The following CTIF variants were observed in gnomAD, a reference collection of about 807,000 sequenced individuals.
CTIF encodes the protein cap binding complex dependent translation initiation factor.
CTIF carries 21 observed loss-of-function variants against 66.0 expected under a neutral mutation model. The observed-to-expected ratio is 0.32, with a 90% CI of 0.23 to 0.46. CTIF has a LOEUF of 0.46. Ranked by LOEUF, CTIF falls within the 20% of genes least tolerant of loss-of-function variation. CTIF has a pLI of 1.00. For synonymous variants in CTIF, 345 were observed against 326.4 expected (o/e 1.06, Z -0.62); for missense variants, 739 against 812.7 (o/e 0.91, Z 1.10).
At position 48,761,490 on chromosome 18, in the gene CTIF, C is replaced by G; in HGVS notation, c.1172C>G (p.Thr391Ser). Residue 391 changes from threonine (T) to serine (S), a missense_variant, in exon 9 of 12, where the codon ACC becomes AGC. Thr to Ser is a moderately conservative substitution (Grantham distance 58). Transcript: ENST00000256413. The surrounding 1 kb of genome is among the most constrained non-coding windows in gnomAD (Gnocchi z 4.2). Reference protein sequence around the residue: ...SMRNNSSDVDTKLTTFMEEAQ... With the variant: ...SMRNNSSDVDSKLTTFMEEAQ... ...CGGAACAACAGCAGCGACGTGGACA[C>G]CAAGCTCACCACCTTCATGGAGGAG... is the stretch of plus-strand genomic sequence containing the variant. The G allele has an allele frequency of 6.2e-7, 1 of 1,614,210 alleles. No individual in the cohort carries two copies. The highest frequency in any genetic ancestry group is 1.1e-5 in the South Asian group (1 of 91,086).
chr18:48,743,627 A>G (rs917651579), intron 7 of CTIF, among the ~76,000 whole-genome samples: 13 of 152,244 alleles, frequency 8.5e-5, no homozygotes, highest in African/African-American at 2.9e-4. Context: ...GCATCACTTG[A>G]TAATTGGCAG....
intron 9 of CTIF, among the ~76,000 whole-genome samples, chr18:48,801,361 T>C (rs1313282275): frequency 2.0e-5 from 3 of 152,242 alleles, no homozygotes; most frequent in Admixed American, 6.5e-5. Context: ...CTAGACTTTG[T>C]GTCCTTCTCT....
At chr18:48,739,218 G>A (rs1198482369) in intron 7 of CTIF, among the ~76,000 whole-genome samples, 1 of 152,218 alleles carries the variant, frequency 6.6e-6, no homozygotes, top group Non-Finnish European at 1.5e-5. Flanking sequence ...CGGCATAGGA[G>A]CCTTCAGGAC....
intron 9 of CTIF, among the ~76,000 whole-genome samples, chr18:48,810,323 T>C (rs1392873148): frequency 6.6e-6 from 1 of 152,128 alleles, no homozygotes; most frequent in East Asian, 1.9e-4. Context: ...GTGGCCAAAA[T>C]AGTTAAGACT....
At chr18:48,633,891 A>T (rs1465759738) in intron 2 of CTIF, among the ~76,000 whole-genome samples, 1 of 152,202 alleles carries the variant, frequency 6.6e-6, no homozygotes, top group Non-Finnish European at 1.5e-5. Flanking sequence ...ACCTTGCCGT[A>T]ATATGAACAC....
chr18:48,850,847 C>T (rs996509959), intron 10 of CTIF, among the ~76,000 whole-genome samples: 6 of 152,230 alleles, frequency 3.9e-5, no homozygotes, highest in Non-Finnish European at 2.9e-5. Context: ...AGAATCCACT[C>T]TCAAAAGCCA....
chr18:48,784,408 G>C (rs1326776494), intron 9 of CTIF, among the ~76,000 whole-genome samples: 1 of 152,226 alleles, frequency 6.6e-6, no homozygotes, highest in Non-Finnish European at 1.5e-5. Flanking sequence ...CGAGTATAGT[G>C]TGCACTGGGG....
At chr18:48,639,394 G>C (rs1345801853) in intron 3 of CTIF, among the ~76,000 whole-genome samples, 1 of 152,182 alleles carries the variant, frequency 6.6e-6, no homozygotes, top group Non-Finnish European at 1.5e-5. Flanking sequence ...ACAAGACACA[G>C]GTGTAAAAAA....
At chr18:48,606,024 A>G (rs2090193721) in intron 1 of CTIF, among the ~76,000 whole-genome samples, 1 of 152,148 alleles carries the variant, frequency 6.6e-6, no homozygotes, top group Admixed American at 6.5e-5. Flanking sequence ...CTTGGCCAAG[A>G]GGTCTTGTCT....
At position 48,664,480 on chromosome 18, in the gene CTIF, G is replaced by C; in HGVS notation, c.360G>C (p.Leu120=). Residue 120 remains leucine (L), a synonymous_variant, in exon 5 of 12, where the codon CTG becomes CTC. Transcript: ENST00000256413. ...CCTGGGACCTGCAGCCGGAAAAGCT[G>C]GACTTCACCCAGTTCCACCGCAAAG... is the stretch of plus-strand genomic sequence containing the variant. ...GATWDLQPEK[L]DFTQFHRKVR... 1 of 1,613,698 alleles carries C rather than the reference G, an allele frequency of 6.2e-7. No individual in the cohort carries two copies. Among genetic ancestry groups the C allele is most frequent in the East Asian group, 2.2e-5 (1 of 44,890 alleles).
At chr18:48,794,603 G>A (rs1204450570) in intron 9 of CTIF, among the ~76,000 whole-genome samples, 1 of 152,162 alleles carries the variant, frequency 6.6e-6, no homozygotes, top group Admixed American at 6.5e-5. Context: ...TGGAATCAGA[G>A]GGAAGTTTGG....
At chr18:48,857,466 A>G (rs1180629519) in intron 10 of CTIF, 122 bp from the exon 11 acceptor site, 2 of 773,082 alleles carry the variant, frequency 2.6e-6, no homozygotes, top group Non-Finnish European at 4.1e-6. Flanking sequence ...TGAACCTTGG[A>G]GATGTTTGTT....
chr18:48,654,185 A>G (rs2091206073), intron 3 of CTIF, among the ~76,000 whole-genome samples: 1 of 152,254 alleles, frequency 6.6e-6, no homozygotes, highest in South Asian at 2.1e-4. Flanking sequence ...AAGAGTGAAT[A>G]GGCAACCTAC....
intron 6 of CTIF, among the ~76,000 whole-genome samples, chr18:48,711,159 C>T (rs1227999040): frequency 2.0e-5 from 3 of 152,126 alleles, no homozygotes; most frequent in Non-Finnish European, 4.4e-5. Context: ...GCTTCACCTC[C>T]TTGGTCCTCT....
At chr18:48,555,443 A>G (rs936677462) in intron 1 of CTIF, among the ~76,000 whole-genome samples, 1 of 152,168 alleles carries the variant, frequency 6.6e-6, no homozygotes, top group Non-Finnish European at 1.5e-5. Context: ...GGCCTGACCC[A>G]CTTTGCAGAG....
At chr18:48,744,697 A>T (rs913214755) in intron 7 of CTIF, among the ~76,000 whole-genome samples, 1 of 152,234 alleles carries the variant, frequency 6.6e-6, no homozygotes, top group Non-Finnish European at 1.5e-5. Context: ...TGATATAGAT[A>T]CGATACTGTA....
intron 7 of CTIF, among the ~76,000 whole-genome samples, chr18:48,730,423 C>T (rs1250368220): frequency 1.5e-5 from 2 of 135,456 alleles, no homozygotes; most frequent in Admixed American, 1.4e-4. Flanking sequence ...TGTGGGGCCC[C>T]TGCGCTGTGA....
chr18:48,599,197 G>A (rs535376824), intron 1 of CTIF, among the ~76,000 whole-genome samples: 19 of 152,238 alleles, frequency 1.2e-4, no homozygotes, highest in African/African-American at 2.9e-4. Context: ...GGGTGTGGCC[G>A]GGGCCTCACA....
intron 3 of CTIF, among the ~76,000 whole-genome samples, chr18:48,654,336 A>T (rs2091208463): frequency 6.6e-6 from 1 of 152,246 alleles, no homozygotes; most frequent in Non-Finnish European, 1.5e-5. Context: ...CGCTTCTCAA[A>T]AGAAGATATT....
Sources: allele counts gnomAD v4.1 joint callset (sites outside exome capture counted in the v4.1 genomes callset), GRCh38; gene constraint gnomAD v4.1.1; non-coding constraint Gnocchi (gnomAD v3.1); transcripts MANE v1.5; gene names NCBI Gene and HGNC (gene_info 2026-07-23, HGNC 2026-07-21).